Variants in SNTG1 observed in about 807,000 individuals in gnomAD.
The protein encoded by SNTG1 is gamma-1-syntrophin.
Under a neutral mutation model 74.7 loss-of-function variants are expected in SNTG1, and 39 were observed. The ratio of observed to expected loss-of-function variants is 0.52; its 90% CI spans 0.40 to 0.68. The LOEUF (loss-of-function observed/expected upper bound fraction) is 0.68. Ranked by LOEUF, SNTG1 falls within the 30% of genes least tolerant of loss-of-function variation. The pLI is 0.00. For missense variants in SNTG1, 685 were observed against 609.5 expected (o/e 1.12, Z -1.30); for synonymous variants, 254 against 217.1 (o/e 1.17, Z -1.49).
At chr8:50,456,202 T>C (rs542541991) in intron 8 of SNTG1, among the ~76,000 whole-genome samples, 1 of 152,326 alleles carries the variant, frequency 6.6e-6, no homozygotes, top group South Asian at 2.1e-4. Flanking sequence ...AGGTGACATT[T>C]TAATGACTGC....
chr8:50,293,551 A>G (rs1211079749), intron 2 of SNTG1, among the ~76,000 whole-genome samples: 1 of 151,958 alleles, frequency 6.6e-6, no homozygotes, highest in African/African-American at 2.4e-5. Flanking sequence ...CTGGGATTAC[A>G]GGCATGCACC....
chr8:50,007,148 G>GACT (rs1324331288), intron 1 of SNTG1, among the ~76,000 whole-genome samples: 1 of 152,056 alleles, frequency 6.6e-6, no homozygotes, highest in Admixed American at 6.5e-5. Context: ...GGTATGGTGG[G>GACT]ACTCTATTTC....
At chr8:50,655,507 G>T (rs1183976943) in intron 13 of SNTG1, among the ~76,000 whole-genome samples, 1 of 152,112 alleles carries the variant, frequency 6.6e-6, no homozygotes, top group Non-Finnish European at 1.5e-5. Flanking sequence ...AAGGCATCTT[G>T]GTTCAAATTC....
intron 2 of SNTG1, among the ~76,000 whole-genome samples, chr8:50,217,747 T>C (rs2084864287): frequency 6.6e-6 from 1 of 152,172 alleles, no homozygotes; most frequent in African/African-American, 2.4e-5. Flanking sequence ...GCCTACCATA[T>C]TTTCTAGTAG....
At chr8:50,186,032 G>A (rs1220400094) in intron 2 of SNTG1, among the ~76,000 whole-genome samples, 1 of 151,976 alleles carries the variant, frequency 6.6e-6, no homozygotes, top group Non-Finnish European at 1.5e-5. Flanking sequence ...TGTGTGTGTT[G>A]TTCCTCTCCC....
intron 8 of SNTG1, among the ~76,000 whole-genome samples, chr8:50,496,429 A>G (rs1338989831): frequency 6.6e-6 from 1 of 152,162 alleles, no homozygotes; most frequent in Non-Finnish European, 1.5e-5. Flanking sequence ...CTTTTTATCA[A>G]TTAAAAGCAA....
At chr8:50,056,546 A>G (rs902120786) in intron 1 of SNTG1, among the ~76,000 whole-genome samples, 1 of 152,148 alleles carries the variant, frequency 6.6e-6, no homozygotes, top group African/African-American at 2.4e-5. Flanking sequence ...CAGGCCCTGG[A>G]GTGTGTCCAA....
intron 2 of SNTG1, among the ~76,000 whole-genome samples, chr8:50,264,076 G>A (rs1597426): frequency 0.33 from 49,643 of 151,960 alleles, 8,597 homozygotes; most frequent in African/African-American, 0.45. Flanking sequence ...AAGCATTCTC[G>A]AATAAACAAG....
chr8:50,444,638 T>C (rs550425119), intron 5 of SNTG1, among the ~76,000 whole-genome samples: 1 of 151,996 alleles, frequency 6.6e-6, no homozygotes, highest in African/African-American at 2.4e-5. Context: ...TAGTCCCAGC[T>C]ATTCTGGAGG....
intron 12 of SNTG1, among the ~76,000 whole-genome samples, 156 bp downstream of exon 12, chr8:50,553,335 G>A (rs915119274): frequency 3.9e-5 from 6 of 152,190 alleles, no homozygotes; most frequent in South Asian, 2.1e-4. Flanking sequence ...AAAACTGAGA[G>A]TTCTGGCCCA....
chr8:50,017,612 T>C (rs1386727198), intron 1 of SNTG1, among the ~76,000 whole-genome samples: 1 of 151,786 alleles, frequency 6.6e-6, no homozygotes. Context: ...AAGATGGAGA[T>C]GGAATAGCAA....
chr8:50,746,362 C>T lies in SNTG1; in HGVS notation c.1285-5639C>T, dbSNP rs141631072. ...CAAATCACATGCCTTAAATGAAAGC[C>T]TCTCAGGGATATCCACTGGCATCAT... On this transcript the variant is annotated intron_variant, in intron 17 of 18. Coordinates refer to ENST00000642720, the MANE Select transcript of SNTG1 (RefSeq NM_018967.5). 6.6e-4 allele frequency among the ~76,000 whole-genome samples: 100 copies of T among 152,066 alleles called. 1 individual carries two copies. The East Asian group carries it at 0.014, about 22-fold the overall frequency.
At chr8:50,050,031 T>C (rs1454809803) in intron 1 of SNTG1, among the ~76,000 whole-genome samples, 1 of 151,728 alleles carries the variant, frequency 6.6e-6, no homozygotes, top group Non-Finnish European at 1.5e-5. Flanking sequence ...CAATCTAATC[T>C]TTCACCTTAG....
chr8:50,239,024 C>A (rs547625204), intron 2 of SNTG1, among the ~76,000 whole-genome samples: 1 of 152,078 alleles, frequency 6.6e-6, no homozygotes, highest in Non-Finnish European at 1.5e-5. Flanking sequence ...GAAAGGGGAA[C>A]GCTATACACA....
At chr8:50,599,130 C>T (rs1398385877) in intron 13 of SNTG1, among the ~76,000 whole-genome samples, 1 of 151,916 alleles carries the variant, frequency 6.6e-6, no homozygotes, top group African/African-American at 2.4e-5. Flanking sequence ...GTCATTTCCG[C>T]CAATGTATAT....
chr8:50,688,861 T>C (rs2095364723), intron 15 of SNTG1, among the ~76,000 whole-genome samples: 1 of 152,014 alleles, frequency 6.6e-6, no homozygotes, highest in South Asian at 2.1e-4. Flanking sequence ...ATGGCCATTT[T>C]CACGATATTG....
chr8:50,639,211 C>G (rs1585922492), intron 13 of SNTG1, among the ~76,000 whole-genome samples: 1 of 77,510 alleles, frequency 1.3e-5, no homozygotes, highest in East Asian at 4.0e-4. Flanking sequence ...GACAGAAATG[C>G]TTTTCAGTTA....
At chr8:49,953,487 A>G (rs1302805610) in intron 1 of SNTG1, among the ~76,000 whole-genome samples, 2 of 152,226 alleles carry the variant, frequency 1.3e-5, no homozygotes, top group Non-Finnish European at 2.9e-5. Context: ...CAGGTGCTAA[A>G]GAGGGTAGAC....
intron 18 of SNTG1, among the ~76,000 whole-genome samples, chr8:50,770,412 T>C (rs2095624117): frequency 6.6e-6 from 1 of 152,134 alleles, no homozygotes; most frequent in Non-Finnish European, 1.5e-5. Flanking sequence ...TAGCTTATTA[T>C]ATTCCTACTA....
Sources: gnomAD v4.1 joint callset for allele counts (sites outside exome capture counted in the v4.1 genomes callset) on GRCh38, gnomAD v4.1.1 for gene constraint, MANE v1.5 for transcripts, NCBI Gene and HGNC (gene_info 2026-07-23, HGNC 2026-07-21) for gene names.